MYO3B: variants seen among roughly 807,000 people sequenced by gnomAD.
The protein encoded by MYO3B is myosin-IIIb.
Under a neutral mutation model 174.6 loss-of-function variants are expected in MYO3B, and 156 were observed. The ratio of observed to expected loss-of-function variants is 0.89; its 90% CI spans 0.78 to 1.02. The LOEUF (loss-of-function observed/expected upper bound fraction) is 1.02, where lower values mean the gene tolerates loss of function less well. MYO3B is among the 50% of genes least tolerant of loss of function. The pLI is 0.00. For missense variants in MYO3B, 1,632 were observed against 1,639.4 expected (o/e 1.00, Z 0.08); for synonymous variants, 563 against 569.1 (o/e 0.99, Z 0.15).
At chr2:170,602,427 A>G (rs575928672) in intron 32 of MYO3B, among the ~76,000 whole-genome samples, 1 of 152,290 alleles carries the variant, frequency 6.6e-6, no homozygotes, top group African/African-American at 2.4e-5. Flanking sequence ...GTAGCAATAT[A>G]CTTTAATAGC....
chr2:170,187,352 C>T (rs2105311907), intron 1 of MYO3B, among the ~76,000 whole-genome samples: 1 of 152,206 alleles, frequency 6.6e-6, no homozygotes, highest in African/African-American at 2.4e-5. Context: ...CCTGCCTCAG[C>T]CTCCTGAGTA....
At chr2:170,346,732 T>C (rs1178815948) in intron 8 of MYO3B, among the ~76,000 whole-genome samples, 1 of 152,230 alleles carries the variant, frequency 6.6e-6, no homozygotes, top group Admixed American at 6.5e-5. Context: ...ATATATACTG[T>C]ACATTAAGAT....
chr2:170,213,064 G>A (rs16857908), intron 3 of MYO3B, among the ~76,000 whole-genome samples: 3,834 of 152,250 alleles, frequency 0.025, 177 homozygotes, highest in African/African-American at 0.088. Context: ...GCTCAAAACA[G>A]TTAAGAACCT....
At chr2:170,558,806 A>G (rs746906619) in intron 32 of MYO3B, among the ~76,000 whole-genome samples, 2 of 152,182 alleles carry the variant, frequency 1.3e-5, no homozygotes, top group African/African-American at 2.4e-5. Flanking sequence ...TTAAATTTAC[A>G]TCCCATCTAT....
At chr2:170,362,291 A>G (rs1479552774) in intron 8 of MYO3B, among the ~76,000 whole-genome samples, 1 of 152,164 alleles carries the variant, frequency 6.6e-6, no homozygotes, top group Admixed American at 6.5e-5. Context: ...TTTCCTGCCC[A>G]GTGTCAGGCT....
At chr2:170,180,280 G>A in intron 1 of MYO3B, 1 of 327,056 alleles carries the variant, frequency 3.1e-6, no homozygotes, top group Non-Finnish European at 6.6e-6. Flanking sequence ...TAGCTCACGA[G>A]AAACTCAAAT....
At chr2:170,634,185 G>A (rs547878355) in intron 32 of MYO3B, among the ~76,000 whole-genome samples, 9 of 152,112 alleles carry the variant, frequency 5.9e-5, no homozygotes, top group Non-Finnish European at 1.3e-4. Context: ...AAAAAACAAA[G>A]CTGGAAGAAT....
chr2:170,243,049 G>A (rs1355261231), intron 7 of MYO3B, among the ~76,000 whole-genome samples: 1 of 152,204 alleles, frequency 6.6e-6, no homozygotes, highest in Non-Finnish European at 1.5e-5. Context: ...ATTCCTGGAG[G>A]ATCCTAGAGT....
At chr2:170,434,388 A>C (rs2105891589) in intron 22 of MYO3B, among the ~76,000 whole-genome samples, 1 of 152,286 alleles carries the variant, frequency 6.6e-6, no homozygotes, top group Non-Finnish European at 1.5e-5. Flanking sequence ...TCTGTATAGA[A>C]GGGTTCACCC....
rs369751654 is a variant in MYO3B, at chr2:170,519,560, A to G, written c.3575+20A>G. On this transcript the variant is annotated intron_variant, in intron 30 of 34. Coordinates refer to ENST00000408978, the MANE Select transcript of MYO3B (RefSeq NM_138995.5). ...AAATGGGTGAGCATTATCTGCTAAG[A>G]GTTCCCTGTTGTAAACTCAGGTGCT... The G allele has an allele frequency of 2.8e-5, 44 of 1,592,396 alleles. No individual in the cohort carries two copies. The highest frequency in any genetic ancestry group is 3.8e-5 in the Non-Finnish European group (44 of 1,160,760).
At chr2:170,481,693 A>G (rs2106012950) in intron 25 of MYO3B, among the ~76,000 whole-genome samples, 1 of 152,324 alleles carries the variant, frequency 6.6e-6, no homozygotes, top group Non-Finnish European at 1.5e-5. Flanking sequence ...CATTGTGAGT[A>G]AAATATATTT....
chr2:170,535,175 G>C (rs996549162), intron 30 of MYO3B, among the ~76,000 whole-genome samples: 1 of 152,180 alleles, frequency 6.6e-6, no homozygotes, highest in Non-Finnish European at 1.5e-5. Flanking sequence ...GATCTCCTCT[G>C]CTGTATCCCC....
chr2:170,417,029 G>A (rs1204016936), intron 22 of MYO3B, among the ~76,000 whole-genome samples: 2 of 151,806 alleles, frequency 1.3e-5, no homozygotes, highest in African/African-American at 4.8e-5. Context: ...GGGTTTCACT[G>A]CGTTAGCCAG....
At chr2:170,268,503 T>A (rs1452270935) in intron 7 of MYO3B, among the ~76,000 whole-genome samples, 1 of 152,256 alleles carries the variant, frequency 6.6e-6, no homozygotes, top group Non-Finnish European at 1.5e-5. Context: ...TAGCTTTATG[T>A]GCATAAGACT....
chr2:170,285,132 C>G (rs961347539), intron 7 of MYO3B, among the ~76,000 whole-genome samples: 1 of 152,114 alleles, frequency 6.6e-6, no homozygotes, highest in African/African-American at 2.4e-5. Context: ...GATGGGTGGG[C>G]ATCTACATTG....
chr2:170,517,988 T>G (rs1688427168), intron 29 of MYO3B, among the ~76,000 whole-genome samples: 1 of 132,730 alleles, frequency 7.5e-6, no homozygotes, highest in African/African-American at 3.5e-5. Context: ...GGCCATAATG[T>G]TTGTGTGTGT....
chr2:170,531,859 T>C (rs748372355), intron 30 of MYO3B, among the ~76,000 whole-genome samples: 5 of 152,160 alleles, frequency 3.3e-5, no homozygotes, highest in Non-Finnish European at 7.3e-5. Flanking sequence ...TAAAGGTAGA[T>C]GAAATTAAGA....
chr2:170,401,803 T>A, intron 18 of MYO3B, 112 bp downstream of exon 18: 6 of 363,346 alleles, frequency 1.7e-5, no homozygotes, highest in South Asian at 6.6e-5. Context: ...TTTCTTTTTC[T>A]TTTTTTTTTT....
intron 7 of MYO3B, among the ~76,000 whole-genome samples, chr2:170,257,427 A>G (rs7608246): frequency 0.19 from 28,179 of 152,140 alleles, 3,974 homozygotes; most frequent in African/African-American, 0.4. Flanking sequence ...ATCAATACCA[A>G]GAAGATCTCT....
Sources: gnomAD v4.1 joint callset for allele counts (sites outside exome capture counted in the v4.1 genomes callset) on GRCh38, gnomAD v4.1.1 for gene constraint, MANE v1.5 for transcripts, NCBI Gene and HGNC (gene_info 2026-07-23, HGNC 2026-07-21) for gene names.